OCA2: variants seen among roughly 807,000 people sequenced by gnomAD.
The protein encoded by OCA2 is OCA2 melanosomal transmembrane protein.
Under a neutral mutation model 100.2 loss-of-function variants are expected in OCA2, and 77 were observed. The ratio of observed to expected loss-of-function variants is 0.77; its 90% CI spans 0.64 to 0.93. OCA2 has a LOEUF of 0.93. OCA2 is among the 40% of genes least tolerant of loss of function. OCA2 has a pLI of 0.00. For missense variants in OCA2, 1,062 were observed against 1,089.1 expected (o/e 0.98, Z 0.35); for synonymous variants, 432 against 439.2 (o/e 0.98, Z 0.21).
chr15:27,732,493 CAGA>C, the OCA2 span, among the ~76,000 whole-genome samples: 7 of 152,142 alleles, frequency 4.6e-5, no homozygotes, highest in Admixed American at 4.6e-4. Context: ...GGGCTGCCAG[CAGA>C]AGACTTCACA....
chr15:27,856,896 T>C (rs2035969346), intron 21 of OCA2, among the ~76,000 whole-genome samples: 1 of 152,210 alleles, frequency 6.6e-6, no homozygotes, highest in Non-Finnish European at 1.5e-5. Flanking sequence ...CAGCAATGTC[T>C]GAGGAATGGG....
intron 9 of OCA2, among the ~76,000 whole-genome samples, chr15:27,998,762 C>T (rs1428971877): frequency 2.3e-4 from 32 of 139,858 alleles, no homozygotes; most frequent in Admixed American, 5.8e-4. Flanking sequence ...ATGTTTATTG[C>T]GGCACTATTC....
chr15:27,763,018 C>G (rs1214695806), intron 23 of OCA2, among the ~76,000 whole-genome samples: 1 of 152,202 alleles, frequency 6.6e-6, no homozygotes, highest in Non-Finnish European at 1.5e-5. Flanking sequence ...AGCATATACA[C>G]TACACTTTAG....
chr15:28,071,541 A>G (rs2044261294), intron 2 of OCA2, among the ~76,000 whole-genome samples: 1 of 152,252 alleles, frequency 6.6e-6, no homozygotes, highest in Non-Finnish European at 1.5e-5. Context: ...CACAGAAACC[A>G]AACAGCTTGG....
intron 17 of OCA2, among the ~76,000 whole-genome samples, chr15:27,952,808 C>T (rs1172701072): frequency 6.6e-6 from 1 of 152,060 alleles, no homozygotes; most frequent in Non-Finnish European, 1.5e-5. Context: ...CCTCCCTCCC[C>T]AGTAGCTGGG....
At chr15:27,893,400 G>A (rs932316387) in intron 19 of OCA2, among the ~76,000 whole-genome samples, 4 of 152,136 alleles carry the variant, frequency 2.6e-5, no homozygotes, top group Non-Finnish European at 5.9e-5. Context: ...GAATAACAGC[G>A]ATTTTTATGG....
At position 27,778,534 on chromosome 15, in the gene OCA2, A is replaced by G. The variant is rs142670899; in HGVS notation, c.2433-23062T>C. The stretch of plus-strand genomic sequence containing the variant: ...CACTGCACAGAAGACACGCCCTTGC[A>G]TATCTGTTTTTAAAGCTATAACGTT... On this transcript the variant is annotated intron_variant, in intron 23 of 23. Coordinates refer to ENST00000354638, the MANE Select transcript of OCA2 (RefSeq NM_000275.3). Among the ~76,000 whole-genome samples, 755 of 152,300 alleles carry G rather than the reference A, an allele frequency of 5.0e-3. 18 individuals carry two copies. The highest frequency in any genetic ancestry group is 0.035 in the Admixed American group (534 of 15,304).
At chr15:28,012,988 G>A (rs1049587109) in intron 9 of OCA2, among the ~76,000 whole-genome samples, 29 of 152,256 alleles carry the variant, frequency 1.9e-4, no homozygotes, top group African/African-American at 6.7e-4. Flanking sequence ...TATCTTAGGC[G>A]GGCAGTGGGC....
intron 19 of OCA2, among the ~76,000 whole-genome samples, chr15:27,901,290 TCTTCTCCCCAGC>T (rs1214315938): frequency 5.3e-5 from 8 of 152,236 alleles, no homozygotes; most frequent in African/African-American, 1.9e-4. Flanking sequence ...CTGCCCCTGG[TCTTCTCCCCAGC>T]CTTCTCCCCA....
Position 27,895,325 on chromosome 15 carries a change from G to A in OCA2, c.2080-23403C>T, listed in dbSNP as rs904971370. Among the ~76,000 whole-genome samples, 16 of 152,156 alleles carry A rather than the reference G, an allele frequency of 1.1e-4. 1 individual carries two copies. The highest frequency in any genetic ancestry group is 4.1e-4 in the South Asian group (2 of 4,822). ...ATGGGGCATTGCTGAAAAGATAGCC[G>A]AAAATGTGGAAGCAACTTTGGAACC... On this transcript the variant is annotated intron_variant, in intron 19 of 23. Coordinates refer to ENST00000354638, the MANE Select transcript of OCA2 (RefSeq NM_000275.3).
At chr15:27,949,263 TAGATGA>T (rs141290399) in intron 18 of OCA2, among the ~76,000 whole-genome samples, 1,936 of 152,344 alleles carry the variant, frequency 0.013, 15 homozygotes, top group Non-Finnish European at 0.018. Context: ...TGCGCTGTAT[TAGATGA>T]TGTCACGTTA....
chr15:27,858,358 A>G (rs1275306109), intron 21 of OCA2, among the ~76,000 whole-genome samples: 1 of 149,556 alleles, frequency 6.7e-6, no homozygotes, highest in Non-Finnish European at 1.5e-5. Flanking sequence ...TGGGGAATAG[A>G]GTGAAACTCT....
At chr15:28,089,236 T>C (rs2044831432) in intron 1 of OCA2, among the ~76,000 whole-genome samples, 1 of 152,232 alleles carries the variant, frequency 6.6e-6, no homozygotes, top group African/African-American at 2.4e-5. Context: ...CCAGATTTCA[T>C]ATTGTTTAAA....
At chr15:27,916,406 C>T (rs1185689882) in intron 19 of OCA2, among the ~76,000 whole-genome samples, 1 of 152,082 alleles carries the variant, frequency 6.6e-6, no homozygotes, top group African/African-American at 2.4e-5. Flanking sequence ...AAAATTTCTT[C>T]TTCTAAGGGT....
chr15:27,806,170 G>A (rs1397873517), intron 23 of OCA2, among the ~76,000 whole-genome samples: 1 of 152,236 alleles, frequency 6.6e-6, no homozygotes, highest in East Asian at 1.9e-4. Context: ...TCCGCGGGTG[G>A]GGAAGACCAG....
At chr15:27,940,695 T>A (rs1213863102) in intron 18 of OCA2, among the ~76,000 whole-genome samples, 1 of 152,228 alleles carries the variant, frequency 6.6e-6, no homozygotes, top group Non-Finnish European at 1.5e-5. Flanking sequence ...TCTGGTCTGT[T>A]TGCAAACGTT....
chr15:27,811,217 T>C (rs1342883772), intron 23 of OCA2, among the ~76,000 whole-genome samples: 1 of 152,076 alleles, frequency 6.6e-6, no homozygotes, highest in Non-Finnish European at 1.5e-5. Context: ...TTGCAGCTAC[T>C]TGGATGGAGC....
intron 11 of OCA2, among the ~76,000 whole-genome samples, chr15:27,988,948 C>A (rs1329005957): frequency 2.0e-5 from 3 of 152,198 alleles, no homozygotes; most frequent in African/African-American, 7.2e-5. Context: ...AAATGAGGAT[C>A]TATCGTGCCC....
At chr15:28,041,500 A>G (rs1369189593) in intron 2 of OCA2, among the ~76,000 whole-genome samples, 3 of 152,208 alleles carry the variant, frequency 2.0e-5, no homozygotes, top group African/African-American at 7.2e-5. Flanking sequence ...CTTCTACTCA[A>G]TGCAGTATTG....
Sources: gnomAD v4.1 joint callset for allele counts (sites outside exome capture counted in the v4.1 genomes callset) on GRCh38, gnomAD v4.1.1 for gene constraint, MANE v1.5 for transcripts, NCBI Gene and HGNC (gene_info 2026-07-23, HGNC 2026-07-21) for gene names.